CUX1: variants seen among roughly 807,000 people sequenced by gnomAD.
CUX1 encodes the protein cut like homeobox 1, also known as protein CASP.
In CUX1, 31 loss-of-function variants were observed where a neutral mutation model predicts 158.8. The observed-to-expected ratio is 0.20, with a 90% confidence interval of 0.15 to 0.26. The LOEUF is 0.26. Among genes scored for constraint, CUX1 ranks in the 10% least tolerant of loss-of-function variants. CUX1 has a pLI of 1.00. For synonymous variants in CUX1, 879 were observed against 862.1 expected, an observed-to-expected ratio of 1.02 and a Z score of -0.34; for missense variants, 1,589 against 2,014.6, an observed-to-expected ratio of 0.79 and a Z score of 4.04.
chr7:102,236,782 G>A (rs893260964), intron 22 of CUX1, among the ~76,000 whole-genome samples: 2 of 152,066 alleles, frequency 1.3e-5, no homozygotes, highest in South Asian at 2.1e-4. Context: ...CTCACCCTGG[G>A]GCCCTTAGGA....
chr7:102,126,577 T>C (rs1832666632), intron 8 of CUX1, among the ~76,000 whole-genome samples: 1 of 152,148 alleles, frequency 6.6e-6, no homozygotes, highest in African/African-American at 2.4e-5. Flanking sequence ...TAAAATGTGT[T>C]TAGCACACCT....
intron 1 of CUX1, among the ~76,000 whole-genome samples, chr7:101,857,340 C>T (rs956266517): frequency 6.6e-6 from 1 of 152,226 alleles, no homozygotes; most frequent in Non-Finnish European, 1.5e-5. Flanking sequence ...TTTTCTTCTT[C>T]AGGAGTTAAG....
At chr7:102,237,306 C>T (rs1177286644) in intron 22 of CUX1, among the ~76,000 whole-genome samples, 1 of 152,064 alleles carries the variant, frequency 6.6e-6, no homozygotes, top group Admixed American at 6.6e-5. Context: ...CTCACTGCTG[C>T]AGCCTCGGTG....
intron 2 of CUX1, among the ~76,000 whole-genome samples, chr7:101,987,245 C>T (rs1484527646): frequency 1.3e-5 from 2 of 152,234 alleles, no homozygotes; most frequent in African/African-American, 4.8e-5. Flanking sequence ...AATGCTTGCA[C>T]AGAAGTCCGT....
intron 8 of CUX1, among the ~76,000 whole-genome samples, chr7:102,116,708 A>G (rs1315543866): frequency 6.6e-6 from 1 of 152,124 alleles, no homozygotes; most frequent in Non-Finnish European, 1.5e-5. Flanking sequence ...TGTCCTTCAC[A>G]TAAAAATTAG....
chr7:102,073,736 AT>A (rs1465417643), intron 4 of CUX1, among the ~76,000 whole-genome samples: 71 of 152,340 alleles, frequency 4.7e-4, no homozygotes, highest in Middle Eastern at 3.4e-3. Flanking sequence ...ATATATTCAT[AT>A]TCTGCCTTTC....
chr7:102,249,070 A>G lies in CUX1; in HGVS notation c.*28A>G, dbSNP rs781911660. On this transcript the variant is annotated 3_prime_UTR_variant, in exon 24 of 24. Transcript: ENST00000292535. ...GGCCGCGGCCCTGGGGCGGGCAGCC[A>G]GGCTGGGCCGCAAGGGCCTGGACGG... 4.8e-6 allele frequency: 6 copies of G among 1,259,878 alleles called. No individual in the cohort carries two copies. The Admixed American group carries it at 1.6e-4, about 34-fold the overall frequency. 78.0% of individuals were successfully genotyped at this position (1,259,878 alleles called of 1,614,324 possible). A position where few individuals can be genotyped will look rare whatever the true frequency, so the allele number is the denominator to read the frequency against.
At chr7:101,889,691 G>T (rs1399595027) in intron 1 of CUX1, among the ~76,000 whole-genome samples, 2 of 152,240 alleles carry the variant, frequency 1.3e-5, no homozygotes, top group Non-Finnish European at 2.9e-5. Context: ...AGAATTGCTT[G>T]AACCTGGGAG....
chr7:102,122,882 C>T (rs371675960), intron 8 of CUX1, among the ~76,000 whole-genome samples: 11 of 152,120 alleles, frequency 7.2e-5, no homozygotes, highest in African/African-American at 1.7e-4. Flanking sequence ...GGCTTACAGA[C>T]GTCACATGCA....
chr7:102,159,251 G>C (rs112889518), intron 9 of CUX1, among the ~76,000 whole-genome samples: 9,667 of 151,852 alleles, frequency 0.064, 419 homozygotes, highest in African/African-American at 0.11. Flanking sequence ...ATCTCACCAC[G>C]GTGTTATCCT....
intron 8 of CUX1, among the ~76,000 whole-genome samples, chr7:102,116,496 T>C (rs1831449638): frequency 1.3e-5 from 2 of 151,962 alleles, no homozygotes; most frequent in African/African-American, 4.8e-5. Context: ...CTTACTATAT[T>C]TCACCGAGCA....
chr7:102,209,300 G>C lies in CUX1; in HGVS notation c.3130+4130G>C, dbSNP rs74823399. ...TTTTTCCTCTTGGTGGATACAACTG[G>C]TTCTGAATGTTCCTCTAAGAATCCG... On this transcript the variant is annotated intron_variant, in intron 20 of 23. Transcript: ENST00000292535. Among the ~76,000 whole-genome samples the C allele has an allele frequency of 1.5e-3, 225 of 152,254 alleles. 3 individuals carry two copies. The East Asian group carries it at 0.04, about 27-fold the overall frequency.
intron 9 of CUX1, among the ~76,000 whole-genome samples, chr7:102,170,064 C>G (rs528433963): frequency 6.6e-6 from 1 of 152,118 alleles, no homozygotes; most frequent in Non-Finnish European, 1.5e-5. Flanking sequence ...ACTGTTTACC[C>G]GTGAGAATTA....
chr7:102,025,017 G>A (rs1026380370), intron 2 of CUX1, among the ~76,000 whole-genome samples: 37 of 152,270 alleles, frequency 2.4e-4, no homozygotes, highest in African/African-American at 7.9e-4. Context: ...AGCTCTGGGG[G>A]AGAATCAGTT....
At chr7:101,866,715 G>C (rs559002118) in intron 1 of CUX1, among the ~76,000 whole-genome samples, 9 of 152,158 alleles carry the variant, frequency 5.9e-5, no homozygotes, top group Non-Finnish European at 1.2e-4. Context: ...TGAACAGCTC[G>C]TTAAATAAAT....
intron 1 of CUX1, among the ~76,000 whole-genome samples, chr7:101,825,661 G>A (rs1218670274): frequency 6.6e-6 from 1 of 152,088 alleles, no homozygotes; most frequent in Non-Finnish European, 1.5e-5. Context: ...ATTGTCAGGG[G>A]AGTAAGAAGT....
At chr7:101,871,597 C>A (rs2131459952) in intron 1 of CUX1, among the ~76,000 whole-genome samples, 1 of 152,056 alleles carries the variant, frequency 6.6e-6, no homozygotes, top group East Asian at 1.9e-4. Context: ...AGTGCAAGAG[C>A]CGGAAGGATG....
chr7:101,863,689 C>T (rs540134700), intron 1 of CUX1, among the ~76,000 whole-genome samples: 1 of 152,262 alleles, frequency 6.6e-6, no homozygotes, highest in Non-Finnish European at 1.5e-5. Context: ...ACTCTGCACC[C>T]ATTAAACAAT....
chr7:101,970,540 C>A (rs145519228), intron 2 of CUX1, among the ~76,000 whole-genome samples: 3 of 152,246 alleles, frequency 2.0e-5, no homozygotes, highest in Non-Finnish European at 4.4e-5. Context: ...TATCCCAGAC[C>A]TTCCCATGTC....
Sources: gnomAD v4.1 joint callset for allele counts (sites outside exome capture counted in the v4.1 genomes callset) on GRCh38, gnomAD v4.1.1 for gene constraint, MANE v1.5 for transcripts, NCBI Gene and HGNC (gene_info 2026-07-23, HGNC 2026-07-21) for gene names.